The following ARHGEF33 variants were observed in gnomAD, a reference collection of about 807,000 sequenced individuals.
ARHGEF33 encodes the protein Rho guanine nucleotide exchange factor 33.
Under a neutral mutation model 101.9 loss-of-function variants are expected in ARHGEF33, and 72 were observed. That is an observed-to-expected ratio of 0.71 (90% CI 0.58 to 0.86). The LOEUF (loss-of-function observed/expected upper bound fraction) is 0.86. ARHGEF33 is among the 40% of genes least tolerant of loss of function. ARHGEF33 has a pLI of 0.00. For synonymous variants in ARHGEF33, 499 were observed against 442.5 expected (o/e 1.13, Z -1.60); for missense variants, 1,169 against 1,111.3 (o/e 1.05, Z -0.74).
intron 3 of ARHGEF33, 60 bp downstream of exon 3, chr2:38,919,532 C>A: frequency 1.3e-6 from 2 of 1,493,986 alleles, no homozygotes; most frequent in Non-Finnish European, 1.8e-6. Flanking sequence ...AGGTTTTTGT[C>A]TTGTCTTACC....
At chr2:38,949,743 C>T (rs1199869727) in intron 10 of ARHGEF33, among the ~76,000 whole-genome samples, 2 of 152,158 alleles carry the variant, frequency 1.3e-5, no homozygotes, top group African/African-American at 4.8e-5. Context: ...TTAATTGGAT[C>T]ACGGTTCTGC....
chr2:38,973,070 T>G (rs1242033231), intron 17 of ARHGEF33: 1 of 152,262 alleles, frequency 6.6e-6, no homozygotes, highest in African/African-American at 2.4e-5. Context: ...CCCAAGTGGC[T>G]TAAGCAAGAT....
At chr2:38,918,661 G>A (rs138123975) in intron 2 of ARHGEF33, among the ~76,000 whole-genome samples, 191 of 152,276 alleles carry the variant, frequency 1.3e-3, no homozygotes, top group Non-Finnish European at 2.1e-3. Flanking sequence ...CGAAAGTGGG[G>A]ACAAGGCTAT....
intron 2 of ARHGEF33, among the ~76,000 whole-genome samples, chr2:38,897,765 C>A (rs1350241261): frequency 6.6e-5 from 10 of 152,164 alleles, no homozygotes; most frequent in African/African-American, 2.2e-4. Flanking sequence ...GCTGAACTCT[C>A]CTGGGTCATA....
At chr2:38,943,217 C>T (rs909488792) in intron 9 of ARHGEF33, among the ~76,000 whole-genome samples, 2 of 152,306 alleles carry the variant, frequency 1.3e-5, no homozygotes, top group South Asian at 4.1e-4. Flanking sequence ...CATGAGCCAC[C>T]ATGTCCGGCT....
Position 38,959,835 on chromosome 2 carries a change from CT to C in ARHGEF33, c.1536-5del, listed in dbSNP as rs1667867531. On this transcript the variant is annotated splice_region_variant and splice_polypyrimidine_tract_variant and intron_variant, in intron 15 of 17. Coordinates refer to ENST00000409978, the MANE Select transcript of ARHGEF33 (RefSeq NM_001145451.5). ...AGCTCTTTTGTACTCTGTTTTCCCC[CT>C]AAAGACATCTGATGCCCCCAGTGAA... 1 of 1,541,676 alleles carries C rather than the reference CT, an allele frequency of 6.5e-7. No homozygotes were observed. The highest frequency in any genetic ancestry group is 8.8e-7 in the Non-Finnish European group (1 of 1,140,822).
At chr2:38,920,398 C>CTTTTTTTTT (rs61429948) in intron 3 of ARHGEF33, among the ~76,000 whole-genome samples, 1 of 77,822 alleles carries the variant, frequency 1.3e-5, no homozygotes, top group African/African-American at 5.2e-5. Context: ...TCTTTCTTTC[C>CTTTTTTTTT]TTTTTTTTTT....
intron 5 of ARHGEF33, among the ~76,000 whole-genome samples, 160 bp downstream of exon 5, chr2:38,929,231 C>G (rs533335301): frequency 6.6e-6 from 1 of 152,098 alleles, no homozygotes; most frequent in Non-Finnish European, 1.5e-5. Context: ...GAGTTCAAGA[C>G]CACCCTGGCC....
chr2:38,956,938 T>C lies in ARHGEF33; in HGVS notation c.1261T>C (p.Tyr421His). 1 of 1,552,394 alleles carries C rather than the reference T, an allele frequency of 6.4e-7. No homozygotes were observed. Among genetic ancestry groups the C allele is most frequent in the Non-Finnish European group, 8.7e-7 (1 of 1,147,146 alleles). Residue 421 changes from tyrosine to histidine, a missense_variant, in exon 14 of 18, where the codon TAT becomes CAT. Tyr to His is a moderately conservative substitution (Grantham distance 83). Coordinates refer to ENST00000409978, the MANE Select transcript of ARHGEF33 (RefSeq NM_001145451.5). Reference protein sequence around the residue: ...KFTEQEHPDYYLLLVCVQRLR... With the variant: ...KFTEQEHPDYHLLLVCVQRLR... ...CACAGAGCAGGAGCACCCTGACTAT[T>C]ATCTACTACTGGTGTGTGTCCAGCG...
At chr2:38,933,446 C>T (rs1018810166) in intron 7 of ARHGEF33, among the ~76,000 whole-genome samples, 1 of 152,090 alleles carries the variant, frequency 6.6e-6, no homozygotes, top group Middle Eastern at 3.4e-3. Flanking sequence ...TACAATGGCG[C>T]GATCTCGGCT....
chr2:38,973,664 A>G, intron 17 of ARHGEF33, 50 bp from the exon 18 acceptor site: 1 of 1,431,286 alleles, frequency 7.0e-7, no homozygotes, highest in Non-Finnish European at 9.2e-7. Flanking sequence ...ATATTTGAAA[A>G]CAATTAAAAC....
At chr2:38,922,867 G>C (rs958414613) in intron 4 of ARHGEF33, among the ~76,000 whole-genome samples, 5 of 152,154 alleles carry the variant, frequency 3.3e-5, no homozygotes, top group Non-Finnish European at 4.4e-5. Flanking sequence ...TATAGGTAAG[G>C]TTGTTGTGGG....
intron 2 of ARHGEF33, among the ~76,000 whole-genome samples, chr2:38,906,464 C>T (rs1249410257): frequency 6.6e-6 from 1 of 152,104 alleles, no homozygotes; most frequent in Non-Finnish European, 1.5e-5. Context: ...TCTCATTGTT[C>T]CAAACTTTTC....
intron 15 of ARHGEF33, 96 bp from the exon 16 acceptor site, chr2:38,959,745 G>A (rs1667864541): frequency 9.1e-6 from 12 of 1,312,640 alleles, no homozygotes; most frequent in Non-Finnish European, 1.1e-5. Flanking sequence ...ATGCACAGGC[G>A]CCTCGGAGCG....
chr2:38,926,458 G>A (rs1016611565), intron 4 of ARHGEF33, among the ~76,000 whole-genome samples: 4 of 152,188 alleles, frequency 2.6e-5, no homozygotes, highest in African/African-American at 9.7e-5. Context: ...TCTTAAAAGT[G>A]ACATGTTGTA....
chr2:38,949,989 C>T (rs748025222), intron 10 of ARHGEF33, among the ~76,000 whole-genome samples: 8 of 152,116 alleles, frequency 5.3e-5, no homozygotes, highest in Non-Finnish European at 8.8e-5. Context: ...AAACCATTCA[C>T]GAGAAATTCA....
chr2:38,955,481 C>CTT (rs3085350), intron 13 of ARHGEF33, among the ~76,000 whole-genome samples: 2,564 of 71,138 alleles, frequency 0.036, 710 homozygotes, highest in African/African-American at 0.11. Flanking sequence ...ATTGAAAAGA[C>CTT]TTTTTTTTTT....
intron 2 of ARHGEF33, 104 bp from the exon 3 acceptor site, chr2:38,919,259 A>G (rs73930375): frequency 1.8e-6 from 1 of 563,242 alleles, no homozygotes; most frequent in Non-Finnish European, 3.2e-6. Context: ...AATTGCATGT[A>G]CCTCAAGCTG....
At chr2:38,966,896 A>C (rs921585982) in intron 17 of ARHGEF33, among the ~76,000 whole-genome samples, 1 of 152,184 alleles carries the variant, frequency 6.6e-6, no homozygotes, top group Non-Finnish European at 1.5e-5. Flanking sequence ...CAGTCCAGCC[A>C]CTGCCTGCCT....
Sources: allele counts gnomAD v4.1 joint callset (sites outside exome capture counted in the v4.1 genomes callset), GRCh38; gene constraint gnomAD v4.1.1; transcripts MANE v1.5; gene names NCBI Gene and HGNC (gene_info 2026-07-23, HGNC 2026-07-21).